Variants in FAT3 observed in about 807,000 individuals in gnomAD.
FAT3 encodes protocadherin Fat 3.
FAT3 carries 95 observed loss-of-function variants against 310.2 expected under a neutral mutation model. The ratio of observed to expected loss-of-function variants is 0.31; its 90% CI spans 0.26 to 0.36. The LOEUF is 0.36. Ranked by LOEUF, FAT3 falls within the 10% of genes least tolerant of loss-of-function variation. The pLI, the probability that FAT3 is intolerant of heterozygous loss-of-function variation, is 1.00. For missense variants in FAT3, 5,408 were observed against 5,715.6 expected (o/e 0.95, Z 1.74); for synonymous variants, 2,314 against 2,192.9 (o/e 1.06, Z -1.54).
chr11:92,610,355 A>G (rs1231588813), intron 3 of FAT3, among the ~76,000 whole-genome samples: 1 of 152,194 alleles, frequency 6.6e-6, no homozygotes, highest in South Asian at 2.1e-4. Context: ...TAAATTCTAC[A>G]CAGGCCTTCA....
chr11:92,312,081 T>C (rs1947318853), intron 1 of FAT3, among the ~76,000 whole-genome samples: 1 of 152,204 alleles, frequency 6.6e-6, no homozygotes, highest in Non-Finnish European at 1.5e-5. Flanking sequence ...CAACTGTATA[T>C]ATCCCTTACA....
chr11:92,451,315 C>T (rs190648783), intron 2 of FAT3, among the ~76,000 whole-genome samples: 131 of 152,300 alleles, frequency 8.6e-4, no homozygotes, highest in Non-Finnish European at 1.6e-3. Context: ...AGGGAAGCCT[C>T]AGCACAGCTC....
chr11:92,362,343 A>T (rs60621889), intron 2 of FAT3, among the ~76,000 whole-genome samples: 2 of 152,356 alleles, frequency 1.3e-5, no homozygotes, highest in East Asian at 3.9e-4. Flanking sequence ...GTATAACTTT[A>T]TAATCGTGTT....
chr11:92,550,135 T>A (rs778172415), intron 3 of FAT3, among the ~76,000 whole-genome samples: 1 of 152,188 alleles, frequency 6.6e-6, no homozygotes, highest in African/African-American at 2.4e-5. Context: ...TTAAATCACT[T>A]TAAATGGTAT....
intron 2 of FAT3, among the ~76,000 whole-genome samples, chr11:92,432,255 A>C (rs1279078121): frequency 6.6e-6 from 1 of 152,018 alleles, no homozygotes; most frequent in African/African-American, 2.4e-5. Flanking sequence ...ATTCTCTTTG[A>C]AGCAATTGTG....
At chr11:92,417,287 A>G (rs998453515) in intron 2 of FAT3, among the ~76,000 whole-genome samples, 2 of 152,250 alleles carry the variant, frequency 1.3e-5, no homozygotes, top group Admixed American at 1.3e-4. Flanking sequence ...TTAGATAACT[A>G]AACTCATTAC....
Position 92,801,037 on chromosome 11 carries a change from C to T in FAT3, c.8024C>T (p.Ser2675Leu). The change falls in exon 10 of 28, where the codon TCG becomes TTG. Residue 2675 changes from serine (S) to leucine (L), a missense_variant. Ser to Leu is a moderately radical substitution (Grantham distance 145). This residue lies in a region of FAT3 where 4,588 missense variants were observed against 4,809.8 expected (regional missense o/e 0.95). Transcript: ENST00000525166. ...NFNQLKNTVLSFFVKAVDGGI... is the reference protein window; with the variant it reads ...NFNQLKNTVLLFFVKAVDGGI... ...AACCAGCTGAAAAATACAGTGCTTT[C>T]GTTCTTTGTCAAAGCAGTAGATGGG... The T allele has an allele frequency of 3.7e-6, 6 of 1,613,780 alleles. No homozygotes were observed. Among genetic ancestry groups the T allele is most frequent in the Non-Finnish European group, 5.1e-6 (6 of 1,179,816 alleles).
chr11:92,654,286 A>G (rs1400528402), intron 3 of FAT3, among the ~76,000 whole-genome samples: 3 of 152,170 alleles, frequency 2.0e-5, no homozygotes, highest in African/African-American at 7.2e-5. Flanking sequence ...AGAGACTAGC[A>G]TCTGGAGCAT....
chr11:92,414,855 G>A (rs989792333), intron 2 of FAT3, among the ~76,000 whole-genome samples: 3 of 151,904 alleles, frequency 2.0e-5, no homozygotes, highest in African/African-American at 7.3e-5. Context: ...CTAAAAATAC[G>A]AAAAGTTAGC....
intron 4 of FAT3, among the ~76,000 whole-genome samples, chr11:92,736,302 T>C (rs1275593653): frequency 2.0e-5 from 3 of 152,106 alleles, no homozygotes; most frequent in Admixed American, 2.0e-4. Flanking sequence ...ATAAGGATAA[T>C]GACATTCCTG....
intron 2 of FAT3, among the ~76,000 whole-genome samples, chr11:92,384,511 C>T (rs1949574120): frequency 6.6e-6 from 1 of 152,116 alleles, no homozygotes; most frequent in Non-Finnish European, 1.5e-5. Flanking sequence ...GCAAATTCCT[C>T]CCCCAGCCCT....
At chr11:92,244,143 A>G (rs757267340) in intron 1 of FAT3, among the ~76,000 whole-genome samples, 1 of 152,096 alleles carries the variant, frequency 6.6e-6, no homozygotes, top group Non-Finnish European at 1.5e-5. Flanking sequence ...GCTGTTAAAT[A>G]ACATCAGAAC....
At chr11:92,280,327 G>T (rs1192742817) in intron 1 of FAT3, among the ~76,000 whole-genome samples, 2 of 151,960 alleles carry the variant, frequency 1.3e-5, no homozygotes, top group Non-Finnish European at 2.9e-5. Flanking sequence ...GGATGTAGGG[G>T]TTTGGAAAAA....
At chr11:92,396,040 T>G (rs1247312049) in intron 2 of FAT3, among the ~76,000 whole-genome samples, 1 of 152,198 alleles carries the variant, frequency 6.6e-6, no homozygotes, top group Non-Finnish European at 1.5e-5. Context: ...CTACAGCCAC[T>G]TCACTCTAAC....
intron 1 of FAT3, among the ~76,000 whole-genome samples, chr11:92,291,023 C>G (rs1478113139): frequency 2.0e-5 from 3 of 150,392 alleles, no homozygotes; most frequent in Admixed American, 6.6e-5. Flanking sequence ...AGGTGTCAAC[C>G]ATAGCAAAAA....
At chr11:92,465,959 C>T (rs1428317173) in intron 2 of FAT3, among the ~76,000 whole-genome samples, 1 of 151,984 alleles carries the variant, frequency 6.6e-6, no homozygotes, top group Non-Finnish European at 1.5e-5. Flanking sequence ...ATGTAATTAC[C>T]ATAGTCATAA....
chr11:92,761,251 G>A (rs544744587), intron 4 of FAT3, among the ~76,000 whole-genome samples: 3 of 152,230 alleles, frequency 2.0e-5, no homozygotes, highest in Admixed American at 1.3e-4. Context: ...GGTGCCTTCT[G>A]GTCATGTCCT....
chr11:92,410,152 T>G (rs1475670558), intron 2 of FAT3, among the ~76,000 whole-genome samples: 1 of 151,662 alleles, frequency 6.6e-6, no homozygotes, highest in Admixed American at 6.6e-5. Flanking sequence ...TGGTTGGTGA[T>G]TTTTTTTTAA....
chr11:92,591,749 T>G (rs1483986350), intron 3 of FAT3, among the ~76,000 whole-genome samples: 1 of 152,174 alleles, frequency 6.6e-6, no homozygotes, highest in East Asian at 1.9e-4. Context: ...ATTTTATCAT[T>G]TTAGCTGCAG....
Sources: gnomAD v4.1 joint callset for allele counts (sites outside exome capture counted in the v4.1 genomes callset) on GRCh38, gnomAD v4.1.1 for gene constraint, gnomAD v4.1.1 regional missense constraint, MANE v1.5 for transcripts, NCBI Gene and HGNC (gene_info 2026-07-23, HGNC 2026-07-21) for gene names.